The following LRRC40 variants were observed in gnomAD, a reference collection of about 807,000 sequenced individuals.
The protein encoded by LRRC40 is leucine-rich repeat-containing protein 40.
Under a neutral mutation model 72.8 loss-of-function variants are expected in LRRC40, and 76 were observed. The ratio of observed to expected loss-of-function variants is 1.04; its 90% CI spans 0.87 to 1.26. LRRC40 has a LOEUF of 1.26. LRRC40 is among the 50% of genes most tolerant of loss of function. The pLI is 0.00. For synonymous variants in LRRC40, 243 were observed against 254.2 expected, an observed-to-expected ratio of 0.96 and a Z score of 0.42; for missense variants, 684 against 698.9, an observed-to-expected ratio of 0.98 and a Z score of 0.24.
intron 9 of LRRC40, among the ~76,000 whole-genome samples, chr1:70,163,520 G>A (rs970539184): frequency 1.2e-4 from 18 of 151,970 alleles, no homozygotes; most frequent in African/African-American, 4.1e-4. Flanking sequence ...ATCCTATTAC[G>A]CTGACCTCCT....
chr1:70,167,230 T>TAAAAAAAAAA (rs376215808), intron 9 of LRRC40, among the ~76,000 whole-genome samples: 1 of 126,928 alleles, frequency 7.9e-6, no homozygotes, highest in Non-Finnish European at 1.7e-5. Flanking sequence ...TAAAAAGTGT[T>TAAAAAAAAAA]AAAAAAAAAA....
chr1:70,182,539 A>C (rs530381433), intron 4 of LRRC40, among the ~76,000 whole-genome samples: 1 of 152,056 alleles, frequency 6.6e-6, no homozygotes, highest in Non-Finnish European at 1.5e-5. Context: ...CTAACAAAAA[A>C]CTTAATTCAG....
intron 4 of LRRC40, among the ~76,000 whole-genome samples, chr1:70,183,306 G>A (rs1011862189): frequency 6.6e-6 from 1 of 151,946 alleles, no homozygotes; most frequent in Non-Finnish European, 1.5e-5. Context: ...AATTAACTAT[G>A]TGGAGTAGAT....
Position 70,149,642 on chromosome 1 carries a change from T to A in LRRC40, c.1518-970A>T, listed in dbSNP as rs1334721639. ...TAAAACTGATAGCTCAATTCACAAG[T>A]AAAAATTAGGAGAGATGTGAGAAGT... On this transcript the variant is annotated intron_variant, in intron 13 of 14. Transcript: ENST00000370952. Among the ~76,000 whole-genome samples the A allele has an allele frequency of 2.0e-5, 3 of 152,122 alleles. No homozygotes were observed. In the South Asian group the frequency reaches 6.2e-4, roughly 32 times the overall value.
chr1:70,202,610 G>A (rs1029187722), intron 1 of LRRC40, among the ~76,000 whole-genome samples: 4 of 152,198 alleles, frequency 2.6e-5, no homozygotes, highest in African/African-American at 9.6e-5. Context: ...CTCTAATGGT[G>A]GATATACGAC....
At chr1:70,160,517 TC>T (rs1208027684) in intron 9 of LRRC40, among the ~76,000 whole-genome samples, 4 of 152,106 alleles carry the variant, frequency 2.6e-5, no homozygotes, top group African/African-American at 9.7e-5. Flanking sequence ...GTAGTACTAC[TC>T]CCCTAGCAGT....
intron 1 of LRRC40, among the ~76,000 whole-genome samples, chr1:70,198,148 C>A (rs1668657510): frequency 6.6e-6 from 1 of 152,158 alleles, no homozygotes; most frequent in African/African-American, 2.4e-5. Context: ...AGGTTTTCTT[C>A]ATGATTAGGT....
At chr1:70,201,135 TCCAG>T (rs1668728882) in intron 1 of LRRC40, among the ~76,000 whole-genome samples, 1 of 152,228 alleles carries the variant, frequency 6.6e-6, no homozygotes, top group East Asian at 1.9e-4. Context: ...GCCACTGCAC[TCCAG>T]CCTGGGTGAC....
chr1:70,202,707 T>C (rs2100359279), intron 1 of LRRC40, among the ~76,000 whole-genome samples: 1 of 152,300 alleles, frequency 6.6e-6, no homozygotes, highest in African/African-American at 2.4e-5. Flanking sequence ...AATGTATCAA[T>C]ATTGGTTCAT....
chr1:70,154,826 G>A (rs1571439267), intron 11 of LRRC40, among the ~76,000 whole-genome samples: 1 of 151,990 alleles, frequency 6.6e-6, no homozygotes, highest in Non-Finnish European at 1.5e-5. Context: ...TGTGGATTAT[G>A]TCATTTAGTT....
intron 12 of LRRC40, 71 bp from the exon 13 acceptor site, chr1:70,151,276 T>C (rs1026590136): frequency 4.1e-6 from 3 of 729,236 alleles, no homozygotes; most frequent in Non-Finnish European, 7.3e-6. Flanking sequence ...ATAATTAAAA[T>C]ATTGAGCAGG....
At chr1:70,205,292 G>C (rs532730977) in intron 1 of LRRC40, 98 bp downstream of exon 1, 7 of 1,222,328 alleles carry the variant, frequency 5.7e-6, no homozygotes, top group Non-Finnish European at 7.9e-6. Flanking sequence ...CTAGCAGTCT[G>C]AGAAAGGGGG....
intron 9 of LRRC40, among the ~76,000 whole-genome samples, chr1:70,168,908 G>A (rs1165294308): frequency 6.6e-6 from 1 of 152,144 alleles, no homozygotes; most frequent in African/African-American, 2.4e-5. Flanking sequence ...ATGAGCTGTA[G>A]ATAAAGCCAT....
chr1:70,168,000 G>C (rs998245951), intron 9 of LRRC40, among the ~76,000 whole-genome samples: 9 of 152,134 alleles, frequency 5.9e-5, no homozygotes, highest in Non-Finnish European at 1.2e-4. Flanking sequence ...GTGAGTCTGT[G>C]GTATTTGAAC....
chr1:70,145,872 A>T lies in LRRC40; in HGVS notation c.1737T>A (p.Val579=), dbSNP rs766376243. 10 of 1,608,106 alleles carry T rather than the reference A, an allele frequency of 6.2e-6. No individual in the cohort carries two copies. The highest frequency in any genetic ancestry group is 8.5e-6 in the Non-Finnish European group (10 of 1,175,440). ...TLLLDGNPFR[V]PRAAILMKGT... ...CTTTCATTAATATGGCTGCTCGAGG[A>T]ACTCGGAATGGATTTCCATCCAGTA... Residue 579 remains valine, a synonymous_variant, in exon 15 of 15, where the codon GTT becomes GTA. Coordinates refer to ENST00000370952, the MANE Select transcript of LRRC40 (RefSeq NM_017768.5).
intron 6 of LRRC40, 42 bp from the exon 7 acceptor site, chr1:70,176,024 T>C: frequency 1.6e-6 from 2 of 1,231,718 alleles, no homozygotes; most frequent in Non-Finnish European, 2.2e-6. Flanking sequence ...CTGTATTCAA[T>C]TTTATAGTAG....
chr1:70,193,512 T>G (rs1365717260), intron 1 of LRRC40, among the ~76,000 whole-genome samples: 1 of 152,104 alleles, frequency 6.6e-6, no homozygotes, highest in African/African-American at 2.4e-5. Context: ...ACATTTTCAC[T>G]GGTGAATTCT....
chr1:70,189,190 A>G lies in LRRC40; in HGVS notation c.235T>C (p.Trp79Arg). 1 of 1,613,082 alleles carries G rather than the reference A, an allele frequency of 6.2e-7. No individual in the cohort carries two copies. Among genetic ancestry groups the G allele is most frequent in the South Asian group, 1.1e-5 (1 of 91,052 alleles). ...NLSFGATERW[W>R]EQTDLTKLII... The stretch of plus-strand genomic sequence containing the variant: ...AGTTTGGTCAAATCTGTCTGCTCCC[A>G]CCATCTTTCAGTAGCACCAAACGAA... Residue 79 changes from tryptophan to arginine, a missense_variant, in exon 2 of 15, where the codon TGG (tryptophan) becomes CGG (arginine). Coordinates refer to ENST00000370952, the MANE Select transcript of LRRC40 (RefSeq NM_017768.5).
intron 4 of LRRC40, among the ~76,000 whole-genome samples, chr1:70,183,220 C>A (rs1248130011): frequency 6.6e-6 from 1 of 152,094 alleles, no homozygotes; most frequent in Non-Finnish European, 1.5e-5. Flanking sequence ...TAATTTCTTC[C>A]TTTAATGAAA....
Sources: allele counts gnomAD v4.1 joint callset (sites outside exome capture counted in the v4.1 genomes callset), GRCh38; gene constraint gnomAD v4.1.1; transcripts MANE v1.5; gene names NCBI Gene and HGNC (gene_info 2026-07-23, HGNC 2026-07-21).